The following ERO1B variants were observed in gnomAD, a reference collection of about 807,000 sequenced individuals.
The protein encoded by ERO1B is endoplasmic reticulum oxidoreductase 1 beta.
ERO1B carries 49 observed loss-of-function variants against 75.3 expected under a neutral mutation model. That is an observed-to-expected ratio of 0.65 (90% CI 0.52 to 0.83). The LOEUF (loss-of-function observed/expected upper bound fraction) is 0.83, where lower values mean the gene tolerates loss of function less well. Among genes scored for constraint, ERO1B ranks in the 40% least tolerant of loss-of-function variants. ERO1B has a pLI of 0.00. For synonymous variants in ERO1B, 191 were observed against 192.9 expected, an observed-to-expected ratio of 0.99 and a Z score of 0.08; for missense variants, 512 against 560.1, an observed-to-expected ratio of 0.91 and a Z score of 0.87.
At chr1:236,223,490 C>G (rs975466288) in intron 13 of ERO1B, among the ~76,000 whole-genome samples, 1 of 152,154 alleles carries the variant, frequency 6.6e-6, no homozygotes, top group East Asian at 1.9e-4. Flanking sequence ...GAATCAATAC[C>G]TTGGCAAAGA....
intron 1 of ERO1B, among the ~76,000 whole-genome samples, chr1:236,275,381 C>T (rs971629690): frequency 6.6e-6 from 1 of 152,210 alleles, no homozygotes; most frequent in African/African-American, 2.4e-5. Context: ...CAGAAAGACA[C>T]TTTACTTACA....
At position 236,225,087 on chromosome 1, in the gene ERO1B, CT is replaced by C. The variant is rs1664246777; in HGVS notation, c.1104del (p.Ala370ProfsTer4). 2.5e-6 allele frequency: 4 copies of C among 1,613,814 alleles called. No individual in the cohort carries two copies. The highest frequency in any genetic ancestry group is 3.4e-6 in the Non-Finnish European group (4 of 1,179,758). On this transcript the variant is annotated frameshift_variant, in exon 13 of 16. Coordinates refer to ENST00000354619, the MANE Select transcript of ERO1B (RefSeq NM_019891.4). LOFTEE classifies it high-confidence loss of function. Reference sequence around the variant, plus strand: ...CTTTTTACCTTTAGTGACTTGGCCCCTTTTTTGTCACCTGCAAACATGGATT... The same window carrying C: ...CTTTTTACCTTTAGTGACTTGGCCCCTTTTTGTCACCTGCAAACATGGATT... ...DEKSMFAGDK[K>X]GAKSLKEEFR...
intron 13 of ERO1B, among the ~76,000 whole-genome samples, chr1:236,224,741 G>A (rs1664235458): frequency 6.6e-6 from 1 of 152,108 alleles, no homozygotes; most frequent in Non-Finnish European, 1.5e-5. Context: ...CCTCAAAGTG[G>A]CTAAAAGCTC....
rs1447935468 is a variant in ERO1B, at chr1:236,221,968, C to A, written c.1165G>T (p.Asp389Tyr). 1 of 1,613,764 alleles carries A rather than the reference C, an allele frequency of 6.2e-7. No homozygotes were observed. Among genetic ancestry groups the A allele is most frequent in the Admixed American group, 1.7e-5 (1 of 60,002 alleles). ...LHFKNISRIMDCVGCDKCRLW... is the reference protein window; with the variant it reads ...LHFKNISRIMYCVGCDKCRLW... Reference sequence around the variant, plus strand: ...CTGCATTTGTCACATCCAACACAGTCCATTATACGGGAGATATTCTTGAAA... The same window carrying A: ...CTGCATTTGTCACATCCAACACAGTACATTATACGGGAGATATTCTTGAAA... The change falls in exon 14 of 16, where the codon GAC (aspartate) becomes TAC (tyrosine). Residue 389 changes from aspartate (D) to tyrosine (Y), a missense_variant. Physicochemically the swap from Asp to Tyr is radical, Grantham distance 160. Transcript: ENST00000354619.
At chr1:236,239,264 A>C (rs1014017720) in intron 6 of ERO1B, among the ~76,000 whole-genome samples, 1 of 152,178 alleles carries the variant, frequency 6.6e-6, no homozygotes, top group Admixed American at 6.5e-5. Flanking sequence ...CTTGTGTGCC[A>C]AATCTGGCCT....
chr1:236,247,515 A>G (rs1664914241), intron 5 of ERO1B, among the ~76,000 whole-genome samples: 1 of 152,124 alleles, frequency 6.6e-6, no homozygotes. Flanking sequence ...GGTTTAAATC[A>G]CCATAATGTC....
intron 6 of ERO1B, among the ~76,000 whole-genome samples, chr1:236,237,588 T>C (rs1212642575): frequency 6.6e-6 from 1 of 152,186 alleles, no homozygotes; most frequent in African/African-American, 2.4e-5. Flanking sequence ...GCTCAAGTGT[T>C]ATATATGGCA....
At chr1:236,255,007 C>T (rs991143300) in intron 2 of ERO1B, among the ~76,000 whole-genome samples, 8 of 151,936 alleles carry the variant, frequency 5.3e-5, no homozygotes, top group Admixed American at 1.3e-4. Context: ...ACTGCAGCCT[C>T]GAACTCCTGG....
intron 2 of ERO1B, among the ~76,000 whole-genome samples, chr1:236,264,707 GGT>G: frequency 6.6e-6 from 1 of 152,140 alleles, no homozygotes; most frequent in East Asian, 1.9e-4. Context: ...AGCCAGGCAT[GGT>G]GGCACACACC....
At chr1:236,222,910 T>C (rs1664189871) in intron 13 of ERO1B, among the ~76,000 whole-genome samples, 2 of 152,084 alleles carry the variant, frequency 1.3e-5, no homozygotes, top group Non-Finnish European at 2.9e-5. Context: ...TTTGCTGTAA[T>C]AGTTTCCCAC....
intron 10 of ERO1B, among the ~76,000 whole-genome samples, chr1:236,227,121 C>T (rs1029352418): frequency 2.6e-5 from 4 of 152,096 alleles, no homozygotes; most frequent in African/African-American, 7.2e-5. Context: ...TTCCCCCTTC[C>T]TTATATGTGT....
intron 1 of ERO1B, among the ~76,000 whole-genome samples, chr1:236,276,069 T>G (rs1371777736): frequency 6.6e-6 from 1 of 152,206 alleles, no homozygotes; most frequent in Non-Finnish European, 1.5e-5. Flanking sequence ...ACAAAGGCTT[T>G]CAGGCAAGAA....
chr1:236,242,923 G>A (rs1031866014), intron 6 of ERO1B, among the ~76,000 whole-genome samples: 1 of 152,126 alleles, frequency 6.6e-6, no homozygotes, highest in Admixed American at 6.6e-5. Flanking sequence ...TGGAGAAGTC[G>A]AATTAGAGTC....
At chr1:236,246,050 T>C (rs1015290875) in intron 5 of ERO1B, among the ~76,000 whole-genome samples, 1 of 152,196 alleles carries the variant, frequency 6.6e-6, no homozygotes, top group Non-Finnish European at 1.5e-5. Context: ...AACAGATAAC[T>C]GATACACTAC....
rs745623591 is a variant in ERO1B, at chr1:236,281,747, C to A, written c.37G>T (p.Gly13Trp). The stretch of plus-strand genomic sequence containing the variant: ...AGCAGCTGCACCGCGGCCGCTACCC[C>A]CTGCCCAGCGCCTGCCCGGCGGACC... Reference protein sequence around the residue: ...QGVRRAGAGQGVAAAVQLLVT... With the variant: ...QGVRRAGAGQWVAAAVQLLVT... Residue 13 changes from glycine to tryptophan, a missense_variant, in exon 1 of 16, where the codon GGG becomes TGG. Gly to Trp is a radical substitution (Grantham distance 184). Coordinates refer to ENST00000354619, the MANE Select transcript of ERO1B (RefSeq NM_019891.4). The A allele has an allele frequency of 4.0e-6, 6 of 1,517,446 alleles. No homozygotes were observed. The highest frequency in any genetic ancestry group is 2.6e-5 in the East Asian group (1 of 39,118). The allele number at this position is 1,517,446 out of a possible 1,614,324, so 94.0% of individuals were successfully genotyped here. A position where few individuals can be genotyped will look rare whatever the true frequency, so the allele number is the denominator to read the frequency against.
intron 2 of ERO1B, among the ~76,000 whole-genome samples, chr1:236,256,068 C>T (rs1282882020): frequency 2.0e-5 from 3 of 152,186 alleles, no homozygotes; most frequent in Non-Finnish European, 4.4e-5. Flanking sequence ...AGGGACAGCA[C>T]TCTATGTGCC....
At chr1:236,253,374 A>G (rs1665084556) in intron 3 of ERO1B, 48 bp downstream of exon 3, 1 of 1,160,756 alleles carries the variant, frequency 8.6e-7, no homozygotes, top group East Asian at 2.4e-5. Context: ...TGCTTTTCTA[A>G]AAGTCCAAGA....
Position 236,264,283 on chromosome 1 carries a change from AT to A in ERO1B, c.222+5591del, listed in dbSNP as rs577131869. ...CCACCATGCCCAGCTAGTTTCTTGTATTTTTAGTGGAGACAGGGTTCTGCCA... is the reference window on the plus strand; with the variant it reads ...CCACCATGCCCAGCTAGTTTCTTGTATTTTAGTGGAGACAGGGTTCTGCCA... On this transcript the variant is annotated intron_variant, in intron 2 of 15. Coordinates refer to ENST00000354619, the MANE Select transcript of ERO1B (RefSeq NM_019891.4). Among the ~76,000 whole-genome samples, 25 of 152,026 alleles carry A rather than the reference AT, an allele frequency of 1.6e-4. 1 individual carries two copies. The South Asian group carries it at 5.0e-3, about 30-fold the overall frequency.
intron 2 of ERO1B, among the ~76,000 whole-genome samples, chr1:236,262,906 G>T (rs528740290): frequency 6.6e-6 from 1 of 152,224 alleles, no homozygotes; most frequent in African/African-American, 2.4e-5. Flanking sequence ...CCCAAGATTG[G>T]ATCCTTATTT....
Sources: gnomAD v4.1 joint callset for allele counts (sites outside exome capture counted in the v4.1 genomes callset) on GRCh38, gnomAD v4.1.1 for gene constraint, MANE v1.5 for transcripts, NCBI Gene and HGNC (gene_info 2026-07-23, HGNC 2026-07-21) for gene names.